Variants in ZRANB1 observed in about 807,000 individuals in gnomAD.
The protein encoded by ZRANB1 is ubiquitin thioesterase ZRANB1.
Under a neutral mutation model 80.5 loss-of-function variants are expected in ZRANB1, and 16 were observed. That is an observed-to-expected ratio of 0.20 (90% CI 0.13 to 0.30). ZRANB1 has a LOEUF of 0.30. Ranked by LOEUF, ZRANB1 falls within the 10% of genes least tolerant of loss-of-function variation. The pLI, the probability that ZRANB1 is intolerant of heterozygous loss-of-function variation, is 1.00. For missense variants in ZRANB1, 576 were observed against 862.6 expected, an observed-to-expected ratio of 0.67 and a Z score of 4.16; for synonymous variants, 291 against 293.1, an observed-to-expected ratio of 0.99 and a Z score of 0.07.
intron 2 of ZRANB1, among the ~76,000 whole-genome samples, chr10:124,969,883 G>A (rs1211626601): frequency 1.3e-5 from 2 of 152,110 alleles, no homozygotes; most frequent in African/African-American, 4.8e-5. Context: ...TGAGTGGCAG[G>A]CTTCAGGGGC....
chr10:124,943,214 A>C lies in ZRANB1; in HGVS notation c.721A>C (p.Ser241Arg). The change falls in exon 1 of 9, where the codon AGC becomes CGC. Residue 241 changes from serine to arginine, a missense_variant. Physicochemically the swap from Ser to Arg is moderately radical, Grantham distance 110 (BLOSUM62 -1). This residue lies in a region of ZRANB1 where 411 missense variants were observed against 583.1 expected (regional missense o/e 0.70). Transcript: ENST00000359653. ...QRIELAGAVG[S>R]KEELEVDFKK... ...GATTGAATTGGCTGGTGCTGTGGGA[A>C]GCAAGGAGGAACTTGAAGTAGACTT... 6.2e-7 allele frequency: 1 copy of C among 1,614,218 alleles called. No homozygotes were observed. Among genetic ancestry groups the C allele is most frequent in the Non-Finnish European group, 8.5e-7 (1 of 1,180,038 alleles).
chr10:124,956,691 C>G (rs990099098), intron 1 of ZRANB1, among the ~76,000 whole-genome samples: 2 of 152,106 alleles, frequency 1.3e-5, no homozygotes, highest in Non-Finnish European at 2.9e-5. Flanking sequence ...AGGCTGGTCT[C>G]GAACTCCTGA....
intron 1 of ZRANB1, among the ~76,000 whole-genome samples, chr10:124,944,568 C>G (rs1951564479): frequency 6.9e-6 from 1 of 145,858 alleles, no homozygotes; most frequent in Admixed American, 7.1e-5. Flanking sequence ...TCACTGCAGC[C>G]TCAACCTCCT....
At chr10:124,950,759 C>T (rs546869558) in intron 1 of ZRANB1, among the ~76,000 whole-genome samples, 194 of 152,170 alleles carry the variant, frequency 1.3e-3, no homozygotes, top group Admixed American at 3.3e-3. Context: ...AGGGGAGGAT[C>T]GTTTCAGCCT....
intron 5 of ZRANB1, among the ~76,000 whole-genome samples, chr10:124,977,106 G>T (rs1420319571): frequency 6.6e-6 from 1 of 151,776 alleles, no homozygotes; most frequent in Non-Finnish European, 1.5e-5. Context: ...GAGTGGCTGG[G>T]ACTGTAGGAG....
chr10:124,930,442 T>G, the ZRANB1 span, among the ~76,000 whole-genome samples: 2 of 152,122 alleles, frequency 1.3e-5, no homozygotes, highest in Non-Finnish European at 2.9e-5. Context: ...ATTTTTGTAT[T>G]TTTAGTAGAG....
In ZRANB1 at chr10:124,981,812, C is replaced by G; in HGVS notation, c.1531C>G (p.Leu511Val). Reference protein sequence around the residue: ...EQWQEDWAFILSLASQPGASL... With the variant: ...EQWQEDWAFIVSLASQPGASL... ...GTGGCAAGAAGACTGGGCATTTATACTCTCTCTTGCTAGTCAGGTGAGGAT... is the reference window on the plus strand; with the variant it reads ...GTGGCAAGAAGACTGGGCATTTATAGTCTCTCTTGCTAGTCAGGTGAGGAT... Residue 511 changes from leucine to valine, a missense_variant, in exon 6 of 9, where the codon CTC becomes GTC. This residue lies in a region of ZRANB1 where 13 missense variants were observed against 57.6 expected (regional missense o/e 0.23). Transcript: ENST00000359653. 1 of 1,613,566 alleles carries G rather than the reference C, an allele frequency of 6.2e-7. No individual in the cohort carries two copies. The highest frequency in any genetic ancestry group is 8.5e-7 in the Non-Finnish European group (1 of 1,179,796).
At chr10:124,961,785 G>T (rs1951736514) in intron 1 of ZRANB1, among the ~76,000 whole-genome samples, 1 of 152,178 alleles carries the variant, frequency 6.6e-6, no homozygotes, top group Non-Finnish European at 1.5e-5. Context: ...TGAGATTGTT[G>T]AATAGAAGCT....
At chr10:124,977,608 G>A (rs186292112) in intron 5 of ZRANB1, among the ~76,000 whole-genome samples, 135 of 151,600 alleles carry the variant, frequency 8.9e-4, no homozygotes, top group African/African-American at 3.1e-3. Flanking sequence ...CTACCTGGGA[G>A]GCTGAGGTGG....
intron 2 of ZRANB1, among the ~76,000 whole-genome samples, chr10:124,969,655 AT>A (rs1951805064): frequency 6.6e-6 from 1 of 152,244 alleles, no homozygotes; most frequent in Admixed American, 6.5e-5. Context: ...AATCAGTTGT[AT>A]TGAAGTAATA....
At chr10:124,919,915 C>T in the ZRANB1 span, among the ~76,000 whole-genome samples, 1 of 118,556 alleles carries the variant, frequency 8.4e-6, no homozygotes, top group African/African-American at 3.5e-5. Context: ...CCGGCCCCCC[C>T]CCCCCCTTTT....
chr10:124,919,725 C>A, the ZRANB1 span, among the ~76,000 whole-genome samples: 2 of 151,038 alleles, frequency 1.3e-5, no homozygotes, highest in Non-Finnish European at 2.9e-5. Flanking sequence ...CATTCTCCTG[C>A]CTCATCCTCC....
At chr10:124,960,794 C>A (rs781292862) in intron 1 of ZRANB1, among the ~76,000 whole-genome samples, 5 of 152,140 alleles carry the variant, frequency 3.3e-5, no homozygotes, top group Admixed American at 1.3e-4. Context: ...CAGTTTCTCT[C>A]GGCCTACCTG....
At chr10:124,934,815 C>T in the ZRANB1 span, among the ~76,000 whole-genome samples, 1 of 152,112 alleles carries the variant, frequency 6.6e-6, no homozygotes, top group Non-Finnish European at 1.5e-5. Context: ...TGTCTAAGAT[C>T]CCCAAAGTAG....
chr10:124,982,996 ATTTC>A (rs1397546379), intron 6 of ZRANB1, among the ~76,000 whole-genome samples, 175 bp from the exon 7 acceptor site: 1 of 152,138 alleles, frequency 6.6e-6, no homozygotes, highest in Admixed American at 6.6e-5. Flanking sequence ...GCCTTTATAG[ATTTC>A]TTTTACAGTT....
chr10:124,920,700 CTACTT>C, the ZRANB1 span, among the ~76,000 whole-genome samples: 1 of 151,922 alleles, frequency 6.6e-6, no homozygotes, highest in Non-Finnish European at 1.5e-5. Context: ...CCTTTTTTGA[CTACTT>C]TAACCCAAGG....
chr10:124,987,992 C>T lies in ZRANB1; in HGVS notation c.*3000C>T, dbSNP rs1952107903. The T allele has an allele frequency of 6.6e-6, 1 of 152,504 alleles. No homozygotes were observed. The highest frequency in any genetic ancestry group is 2.4e-5 in the African/African-American group (1 of 41,436). 9.4% of individuals were successfully genotyped at this position (152,504 alleles called of 1,614,324 possible). ...GGCAAAACAGTTTCAAGGTTCACTTCCCTCCCTTGAACCAGGTCCAGGTCA... is the reference window on the plus strand; with the variant it reads ...GGCAAAACAGTTTCAAGGTTCACTTTCCTCCCTTGAACCAGGTCCAGGTCA... On this transcript the variant is annotated 3_prime_UTR_variant, in exon 9 of 9. Coordinates refer to ENST00000359653, the MANE Select transcript of ZRANB1 (RefSeq NM_017580.3).
intron 5 of ZRANB1, among the ~76,000 whole-genome samples, chr10:124,977,422 T>G (rs1951887418): frequency 6.6e-6 from 1 of 151,936 alleles, no homozygotes; most frequent in Non-Finnish European, 1.5e-5. Context: ...ACTGGAATTC[T>G]CAGATGGTTG....
At chr10:124,917,564 C>T in the ZRANB1 span, among the ~76,000 whole-genome samples, 1 of 152,198 alleles carries the variant, frequency 6.6e-6, no homozygotes, top group Non-Finnish European at 1.5e-5. Context: ...GCCGCTCTTC[C>T]GCCAGATTTC....
Sources: gnomAD v4.1 joint callset for allele counts (sites outside exome capture counted in the v4.1 genomes callset) on GRCh38, gnomAD v4.1.1 for gene constraint, gnomAD v4.1.1 regional missense constraint, MANE v1.5 for transcripts, NCBI Gene and HGNC (gene_info 2026-07-23, HGNC 2026-07-21) for gene names.